The following YWHAE variants were observed in gnomAD, a reference collection of about 807,000 sequenced individuals.
YWHAE encodes the protein 14-3-3 protein epsilon.
A neutral mutation model predicts 30.1 loss-of-function variants in YWHAE; 4 were observed. The ratio of observed to expected loss-of-function variants is 0.13; its 90% confidence interval spans 0.07 to 0.30. The LOEUF is 0.30. Ranked by LOEUF, YWHAE falls within the 10% of genes least tolerant of loss-of-function variation. YWHAE has a pLI of 1.00. For missense variants in YWHAE, 121 were observed against 315.9 expected (o/e 0.38, Z 4.68); for synonymous variants, 118 against 111.8 (o/e 1.06, Z -0.35).
intron 5 of YWHAE, among the ~76,000 whole-genome samples, chr17:1,349,325 G>A (rs192315647): frequency 1.3e-5 from 2 of 152,146 alleles, no homozygotes; most frequent in Non-Finnish European, 2.9e-5. Context: ...CTGGGCAACA[G>A]AGTGATACTC....
intron 1 of YWHAE, among the ~76,000 whole-genome samples, chr17:1,388,772 C>T (rs2073345826): frequency 6.6e-6 from 1 of 152,094 alleles, no homozygotes; most frequent in African/African-American, 2.4e-5. Flanking sequence ...GTAGTATATT[C>T]TGCATTAAGT....
At chr17:1,389,937 A>C (rs2073365082) in intron 1 of YWHAE, among the ~76,000 whole-genome samples, 1 of 150,086 alleles carries the variant, frequency 6.7e-6, no homozygotes, top group Non-Finnish European at 1.5e-5. Context: ...TCCGCCTCCC[A>C]GGTTCAAGCA....
At position 1,387,924 on chromosome 17, in the gene YWHAE, CTTTTTTTT is replaced by C. The variant is rs35930155; in HGVS notation, c.64+12115_64+12122del. Among the ~76,000 whole-genome samples the C allele has an allele frequency of 4.0e-5, 3 of 75,714 alleles. No homozygotes were observed. The East Asian group carries it at 1.1e-3, about 29-fold the overall frequency. 49.7% of individuals were successfully genotyped at this position (75,714 alleles called of 152,430 possible). A position where few individuals can be genotyped will look rare whatever the true frequency, so the allele number is the denominator to read the frequency against. The stretch of plus-strand genomic sequence containing the variant: ...TACAGGAGTGAGCCACTGCACCTGG[CTTTTTTTT>C]TTTTTTTTTTTTTGACGGAGTCTCA... On this transcript the variant is annotated intron_variant, in intron 1 of 5. Coordinates refer to ENST00000264335, the MANE Select transcript of YWHAE (RefSeq NM_006761.5).
intron 1 of YWHAE, among the ~76,000 whole-genome samples, chr17:1,388,611 A>G (rs994760431): frequency 1.3e-5 from 2 of 149,830 alleles, no homozygotes; most frequent in African/African-American, 4.9e-5. Flanking sequence ...GGAGTCTTGC[A>G]ATGTTGCCCA....
At chr17:1,361,873 TAC>T (rs2072869979) in intron 3 of YWHAE, 27 bp downstream of exon 3, 1 of 1,480,106 alleles carries the variant, frequency 6.8e-7, no homozygotes, top group Non-Finnish European at 9.2e-7. Context: ...CTTTCAATCT[TAC>T]ATTTTCCCTT....
chr17:1,348,568 C>A (rs908165433), intron 5 of YWHAE, among the ~76,000 whole-genome samples: 3 of 152,198 alleles, frequency 2.0e-5, no homozygotes, highest in Non-Finnish European at 4.4e-5. Flanking sequence ...CCTATATTCA[C>A]CACGGAACCC....
At position 1,397,760 on chromosome 17, in the gene YWHAE, G is replaced by A. The variant is rs145670760; in HGVS notation, c.64+2287C>T. On this transcript the variant is annotated intron_variant, in intron 1 of 5. Transcript: ENST00000264335. ...AATAAAGGAATGGACACAGGTAGAG[G>A]ACACAGGTAGAAATTCCTGGTTTCT... 1.6e-3 allele frequency among the ~76,000 whole-genome samples: 241 copies of A among 152,196 alleles called. 2 individuals are homozygous for A. The highest frequency in any genetic ancestry group is 5.4e-3 in the African/African-American group (223 of 41,530).
intron 1 of YWHAE, among the ~76,000 whole-genome samples, chr17:1,387,949 G>C (rs150833666): frequency 1.1e-5 from 1 of 91,030 alleles, no homozygotes; most frequent in African/African-American, 5.0e-5. Context: ...TTTTTTTGAC[G>C]GAGTCTCACT....
chr17:1,359,455 CA>C (rs1263021333), intron 4 of YWHAE, among the ~76,000 whole-genome samples: 2 of 152,118 alleles, frequency 1.3e-5, no homozygotes, highest in South Asian at 2.1e-4. Context: ...CACTGACCAC[CA>C]AAAGTTTAAT....
intron 1 of YWHAE, among the ~76,000 whole-genome samples, chr17:1,376,188 C>A (rs1011872129): frequency 5.3e-5 from 8 of 152,126 alleles, no homozygotes; most frequent in African/African-American, 1.9e-4. Flanking sequence ...TGCATCTGTA[C>A]GAGGATCCTT....
At chr17:1,387,876 T>C (rs971010571) in intron 1 of YWHAE, among the ~76,000 whole-genome samples, 1 of 150,870 alleles carries the variant, frequency 6.6e-6, no homozygotes, top group Non-Finnish European at 1.5e-5. Flanking sequence ...TCCACCCTTC[T>C]TGGCCTCCCA....
rs766476649 is a variant in YWHAE at position 1,400,000 on chromosome 17, G to A, written c.64+47C>T. ...CCTGTTCCCGGCCTCTGTGGGCGGC[G>A]GCAGAGGGTCCGAGAATTCCAGCCC... is the stretch of plus-strand genomic sequence containing the variant. On this transcript the variant is annotated intron_variant, in intron 1 of 5. Coordinates refer to ENST00000264335, the MANE Select transcript of YWHAE (RefSeq NM_006761.5). The A allele has an allele frequency of 8.1e-6, 13 of 1,607,636 alleles. No homozygotes were observed. The Admixed American group carries it at 1.3e-4, about 16-fold the overall frequency.
At chr17:1,370,568 C>T (rs1481324277) in intron 1 of YWHAE, among the ~76,000 whole-genome samples, 1 of 152,086 alleles carries the variant, frequency 6.6e-6, no homozygotes, top group Non-Finnish European at 1.5e-5. Flanking sequence ...GTAGCTGAGA[C>T]TACAAGTGGG....
At chr17:1,382,346 C>A (rs1485352541) in intron 1 of YWHAE, among the ~76,000 whole-genome samples, 2 of 132,364 alleles carry the variant, frequency 1.5e-5, no homozygotes, top group Middle Eastern at 5.7e-3. Context: ...CCGCGCCCGG[C>A]CTTTTTTTTT....
Position 1,361,360 on chromosome 17 carries a change from A to C in YWHAE, c.372-62T>G. 3.0e-6 allele frequency: 4 copies of C among 1,337,574 alleles called. No homozygotes were observed. The South Asian group carries it at 4.0e-5, about 14-fold the overall frequency. The allele number at this position is 1,337,574 out of a possible 1,614,324, so 82.9% of individuals were successfully genotyped here. Reference sequence around the variant, plus strand: ...TTAAACTAGGAACGATTTTTAAAGGAAAATAAGCTAAAATTGTTCTATATT... The same window carrying C: ...TTAAACTAGGAACGATTTTTAAAGGCAAATAAGCTAAAATTGTTCTATATT... On this transcript the variant is annotated intron_variant, in intron 3 of 5. Coordinates refer to ENST00000264335, the MANE Select transcript of YWHAE (RefSeq NM_006761.5).
intron 4 of YWHAE, among the ~76,000 whole-genome samples, chr17:1,359,202 G>A (rs2072813155): frequency 6.6e-6 from 1 of 152,038 alleles, no homozygotes; most frequent in African/African-American, 2.4e-5. Context: ...CACCTCTAGT[G>A]ACAGCTACTT....
At chr17:1,361,032 C>A in intron 4 of YWHAE, 60 bp downstream of exon 4, 1 of 1,515,786 alleles carries the variant, frequency 6.6e-7, no homozygotes, top group Non-Finnish European at 9.1e-7. Flanking sequence ...ACACGGAAAA[C>A]CCAAACAGCG....
chr17:1,355,475 TC>T (rs1465523373), intron 4 of YWHAE, among the ~76,000 whole-genome samples: 1 of 151,760 alleles, frequency 6.6e-6, no homozygotes. Context: ...AAAAAGAAAA[TC>T]TTGGACAATA....
intron 1 of YWHAE, among the ~76,000 whole-genome samples, chr17:1,376,511 CTTAAAGAGACGGGAGTCT>C (rs368039326): frequency 0.01 from 1,535 of 152,298 alleles, 23 homozygotes; most frequent in African/African-American, 0.034. Flanking sequence ...ATTCTTTTCT[CTTAAAGAGACGGGAGTCT>C]TTGTATGTTG....
Sources: gnomAD v4.1 joint callset for allele counts (sites outside exome capture counted in the v4.1 genomes callset) on GRCh38, gnomAD v4.1.1 for gene constraint, MANE v1.5 for transcripts, NCBI Gene and HGNC (gene_info 2026-07-23, HGNC 2026-07-21) for gene names.